CSMD3: variants seen among roughly 807,000 people sequenced by gnomAD.
CSMD3 encodes the protein CUB and sushi domain-containing protein 3.
In CSMD3, 177 loss-of-function variants were observed where a neutral mutation model predicts 435.2. The ratio of observed to expected loss-of-function variants is 0.41; its 90% CI spans 0.36 to 0.46. The LOEUF is 0.46. CSMD3 is among the 20% of genes least tolerant of loss of function. CSMD3 has a pLI of 0.34. For synonymous variants in CSMD3, 1,656 were observed against 1,520.5 expected, an observed-to-expected ratio of 1.09 and a Z score of -2.07; for missense variants, 4,265 against 4,504.6, an observed-to-expected ratio of 0.95 and a Z score of 1.52.
Position 112,556,840 on chromosome 8 carries a change from G to C in CSMD3, c.4157C>G (p.Thr1386Ser), listed in dbSNP as rs1187439006. The stretch of plus-strand genomic sequence containing the variant: ...CTTGAGAAGGCTACTTCCGTGGAGA[G>C]TGTAGCCTGGATTGCATCCATAAAT... ...TIIYGCNPGYTLHGSSLLKCM... is the reference protein window; with the variant it reads ...TIIYGCNPGYSLHGSSLLKCM... Residue 1386 changes from threonine (T) to serine (S), a missense_variant, in exon 25 of 71, where the codon ACT becomes AGT. Transcript: ENST00000297405. 6.2e-7 allele frequency: 1 copy of C among 1,611,838 alleles called. No individual in the cohort carries two copies. Among genetic ancestry groups the C allele is most frequent in the Non-Finnish European group, 8.5e-7 (1 of 1,178,618 alleles).
rs529725764 is a variant in CSMD3, at chr8:112,337,102, A to T, written c.6842-273T>A. Among the ~76,000 whole-genome samples the T allele has an allele frequency of 3.3e-5, 5 of 152,310 alleles. No individual in the cohort carries two copies. In the South Asian group the frequency reaches 1.0e-3, roughly 32 times the overall value. On this transcript the variant is annotated intron_variant, in intron 43 of 70. Coordinates refer to ENST00000297405, the MANE Select transcript of CSMD3 (RefSeq NM_198123.2). ...GTCTTCTCTATTATTTAAATATTTT[A>T]TATCAATGCAAAGACTTTAACTTTC...
intron 28 of CSMD3, among the ~76,000 whole-genome samples, chr8:112,513,866 A>AT (rs766115305): frequency 2.0e-5 from 3 of 152,050 alleles, no homozygotes; most frequent in Non-Finnish European, 4.4e-5. Context: ...TTTTGTTTCA[A>AT]TTGTCCTTAT....
At chr8:112,616,179 G>T (rs1833647111) in intron 22 of CSMD3, among the ~76,000 whole-genome samples, 1 of 152,114 alleles carries the variant, frequency 6.6e-6, no homozygotes, top group South Asian at 2.1e-4. Context: ...TAATTACAGT[G>T]CCAAATTTGT....
chr8:113,122,654 G>A (rs1486130070), intron 4 of CSMD3, among the ~76,000 whole-genome samples: 2 of 152,016 alleles, frequency 1.3e-5, no homozygotes, highest in African/African-American at 4.8e-5. Context: ...AAAGGACCAG[G>A]AGCCAAGGAA....
chr8:112,589,284 C>T (rs891352938), intron 22 of CSMD3, among the ~76,000 whole-genome samples: 3 of 152,244 alleles, frequency 2.0e-5, no homozygotes, highest in African/African-American at 7.2e-5. Context: ...CCCTGAGCTA[C>T]TACTGGCCCT....
At chr8:112,798,288 G>T (rs909697068) in intron 13 of CSMD3, among the ~76,000 whole-genome samples, 6 of 151,818 alleles carry the variant, frequency 4.0e-5, no homozygotes, top group Non-Finnish European at 7.4e-5. Context: ...TAGAGTTTAT[G>T]GAAAAAGAAA....
intron 3 of CSMD3, among the ~76,000 whole-genome samples, chr8:113,185,359 C>T (rs1284966809): frequency 6.6e-6 from 1 of 151,974 alleles, no homozygotes; most frequent in African/African-American, 2.4e-5. Context: ...GAAGCATAAT[C>T]GTATAATCAT....
intron 5 of CSMD3, among the ~76,000 whole-genome samples, chr8:113,058,586 C>G (rs1218551990): frequency 6.6e-6 from 1 of 151,756 alleles, no homozygotes; most frequent in Admixed American, 6.6e-5. Context: ...ATATTAGAAA[C>G]ATTCATAATA....
intron 13 of CSMD3, among the ~76,000 whole-genome samples, chr8:112,761,988 A>G (rs558094050): frequency 6.6e-6 from 1 of 152,130 alleles, no homozygotes; most frequent in East Asian, 1.9e-4. Flanking sequence ...CACCTTTAAT[A>G]TAATCTATCA....
chr8:113,425,071 A>G (rs1215351911), intron 1 of CSMD3, among the ~76,000 whole-genome samples: 1 of 151,546 alleles, frequency 6.6e-6, no homozygotes. Flanking sequence ...AGAGTCTGAT[A>G]CATACTGGTT....
At chr8:112,422,240 T>C (rs562316571) in intron 32 of CSMD3, among the ~76,000 whole-genome samples, 4 of 152,162 alleles carry the variant, frequency 2.6e-5, no homozygotes, top group African/African-American at 9.6e-5. Context: ...AAATATTTTA[T>C]AATTTATTTA....
At chr8:113,223,326 T>A (rs2092991201) in intron 3 of CSMD3, among the ~76,000 whole-genome samples, 1 of 150,466 alleles carries the variant, frequency 6.6e-6, no homozygotes. Flanking sequence ...TGTTCTGATA[T>A]AAAATAATAT....
chr8:112,523,147 A>C (rs1423120317), intron 27 of CSMD3, among the ~76,000 whole-genome samples: 4 of 151,892 alleles, frequency 2.6e-5, no homozygotes, highest in Non-Finnish European at 4.4e-5. Context: ...CAAAGAAGAA[A>C]AATCTTGGAT....
At chr8:113,394,863 T>C (rs558080239) in intron 1 of CSMD3, among the ~76,000 whole-genome samples, 2 of 152,174 alleles carry the variant, frequency 1.3e-5, no homozygotes, top group African/African-American at 2.4e-5. Flanking sequence ...AGGAAGGATT[T>C]TGGGGAGGTT....
At chr8:112,896,283 T>G (rs1163336698) in intron 10 of CSMD3, among the ~76,000 whole-genome samples, 1 of 151,368 alleles carries the variant, frequency 6.6e-6, no homozygotes, top group East Asian at 2.0e-4. Context: ...ACTCCAGGCC[T>G]GAGAATAAGA....
chr8:112,530,256 A>C (rs985931483), intron 27 of CSMD3, among the ~76,000 whole-genome samples: 19 of 152,290 alleles, frequency 1.2e-4, no homozygotes, highest in African/African-American at 4.3e-4. Flanking sequence ...TAATAGCTAA[A>C]ATTTTCCCAA....
chr8:113,403,864 G>C (rs866360706), intron 1 of CSMD3, among the ~76,000 whole-genome samples: 8 of 151,506 alleles, frequency 5.3e-5, no homozygotes, highest in African/African-American at 1.9e-4. Context: ...AAATAAAGTA[G>C]TTGATGTTTC....
chr8:113,246,236 C>T (rs1397564768), intron 3 of CSMD3, among the ~76,000 whole-genome samples: 2 of 151,696 alleles, frequency 1.3e-5, no homozygotes. Context: ...TATTGTGTAC[C>T]ACAAGTCTCT....
At chr8:113,009,529 G>T (rs539667077) in intron 6 of CSMD3, among the ~76,000 whole-genome samples, 10 of 151,706 alleles carry the variant, frequency 6.6e-5, no homozygotes, top group African/African-American at 2.2e-4. Context: ...TTGAAAAAAA[G>T]CCCTTGTCAC....
Sources: allele counts gnomAD v4.1 joint callset (sites outside exome capture counted in the v4.1 genomes callset), GRCh38; gene constraint gnomAD v4.1.1; transcripts MANE v1.5; gene names NCBI Gene and HGNC (gene_info 2026-07-23, HGNC 2026-07-21).